SRGAP3: variants seen among roughly 807,000 people sequenced by gnomAD.
SRGAP3 encodes SLIT-ROBO Rho GTPase activating protein 3, also known as SLIT-ROBO Rho GTPase-activating protein 3.
A neutral mutation model predicts 121.1 loss-of-function variants in SRGAP3; 39 were observed. The ratio of observed to expected loss-of-function variants is 0.32; its 90% CI spans 0.25 to 0.42. The LOEUF is 0.42. Among genes scored for constraint, SRGAP3 ranks in the 10% least tolerant of loss-of-function variants. The probability of loss-of-function intolerance (pLI) is 1.00; values close to 1 mark genes in which losing one functional copy is unlikely to be tolerated. For missense variants in SRGAP3, 1,213 were observed against 1,470.6 expected (o/e 0.82, Z 2.86); for synonymous variants, 601 against 570.0 (o/e 1.05, Z -0.77).
chr3:9,099,158 A>C (rs1220433532), intron 3 of SRGAP3, among the ~76,000 whole-genome samples: 1 of 152,240 alleles, frequency 6.6e-6, no homozygotes, highest in Non-Finnish European at 1.5e-5. Flanking sequence ...ATTTATTTAT[A>C]AAATGCGATG....
chr3:9,165,493 C>T (rs1439850734), intron 1 of SRGAP3, among the ~76,000 whole-genome samples: 1 of 152,250 alleles, frequency 6.6e-6, no homozygotes, highest in Non-Finnish European at 1.5e-5. Flanking sequence ...TCTGATCTTT[C>T]TGTTTCTTCT....
intron 3 of SRGAP3, among the ~76,000 whole-genome samples, chr3:9,313,833 A>G (rs1384089032): frequency 6.6e-6 from 1 of 152,020 alleles, no homozygotes; most frequent in East Asian, 1.9e-4. Flanking sequence ...CATCTCTACT[A>G]AAATACAAAA....
At chr3:9,094,909 C>T (rs2124872235) in intron 3 of SRGAP3, among the ~76,000 whole-genome samples, 1 of 152,132 alleles carries the variant, frequency 6.6e-6, no homozygotes, top group African/African-American at 2.4e-5. Flanking sequence ...GCACACACCA[C>T]CACACCTGGC....
chr3:8,985,197 C>T lies in SRGAP3; in HGVS notation c.*322G>A, dbSNP rs1941610503. ...ACATATACGTATGTAGAGAGAATGT[C>T]GAGAGAGGAAGTTTCCAGTGACGAT... On this transcript the variant is annotated 3_prime_UTR_variant, in exon 22 of 22. Coordinates refer to ENST00000383836, the MANE Select transcript of SRGAP3 (RefSeq NM_014850.4). This position sits in a 1 kb window ranked among gnomAD's most constrained non-coding sequence, Gnocchi z 5.1. 5 of 457,516 alleles carry T rather than the reference C, an allele frequency of 1.1e-5. No individual in the cohort carries two copies. Among genetic ancestry groups the T allele is most frequent in the East Asian group, 3.9e-5 (1 of 25,528 alleles). 28.3% of individuals were successfully genotyped at this position (457,516 alleles called of 1,614,324 possible).
At chr3:9,221,884 T>C (rs1230023966) in intron 1 of SRGAP3, among the ~76,000 whole-genome samples, 1 of 152,238 alleles carries the variant, frequency 6.6e-6, no homozygotes, top group Non-Finnish European at 1.5e-5. Context: ...TACTACTATG[T>C]ATTGGTTTTA....
intron 1 of SRGAP3, among the ~76,000 whole-genome samples, chr3:9,142,140 G>A (rs1949875938): frequency 6.6e-6 from 1 of 152,196 alleles, no homozygotes; most frequent in Non-Finnish European, 1.5e-5. Context: ...CGTAAACTGG[G>A]ATTAATGGAA....
chr3:9,036,154 T>A (rs1049457394), intron 11 of SRGAP3: 2 of 152,220 alleles, frequency 1.3e-5, no homozygotes, highest in African/African-American at 4.8e-5. Flanking sequence ...GAGAAAAATA[T>A]AACATGCTGC....
At chr3:9,079,995 A>C (rs996642484) in intron 4 of SRGAP3, 30 bp downstream of exon 4, 1 of 1,613,442 alleles carries the variant, frequency 6.2e-7, no homozygotes, top group African/African-American at 1.3e-5. Flanking sequence ...ACCCAATCCC[A>C]AAACAGCAGT....
chr3:9,081,235 G>C (rs531704089), intron 3 of SRGAP3: 1 of 456,602 alleles, frequency 2.2e-6, no homozygotes, highest in East Asian at 7.0e-5. Flanking sequence ...TGGTCCCCTG[G>C]TCTGCCTAAT....
At chr3:9,295,486 A>G (rs1346901092) in intron 3 of SRGAP3, among the ~76,000 whole-genome samples, 1 of 152,210 alleles carries the variant, frequency 6.6e-6, no homozygotes, top group Non-Finnish European at 1.5e-5. Flanking sequence ...TGATTGGTGG[A>G]TTAACCACAC....
At chr3:9,286,113 A>ACACACAC (rs1954763215) in intron 3 of SRGAP3, among the ~76,000 whole-genome samples, 1 of 134,988 alleles carries the variant, frequency 7.4e-6, no homozygotes, top group Non-Finnish European at 1.6e-5. Context: ...CCCTATCTCA[A>ACACACAC]ACACACACAC....
At chr3:9,164,012 T>A (rs1190643199) in intron 1 of SRGAP3, among the ~76,000 whole-genome samples, 10 of 147,206 alleles carry the variant, frequency 6.8e-5, no homozygotes, top group African/African-American at 2.5e-4. Flanking sequence ...TTTTTTTTTT[T>A]TTGAGACAGA....
At chr3:9,311,647 T>C (rs1955249635) in intron 3 of SRGAP3, among the ~76,000 whole-genome samples, 1 of 152,232 alleles carries the variant, frequency 6.6e-6, no homozygotes, top group Non-Finnish European at 1.5e-5. Flanking sequence ...TTATTCTTCC[T>C]TCGACTTTTT....
At chr3:9,276,487 G>A (rs370634831) in intron 3 of SRGAP3, among the ~76,000 whole-genome samples, 20 of 150,492 alleles carry the variant, frequency 1.3e-4, no homozygotes, top group African/African-American at 3.9e-4. Context: ...GTGCAATGGC[G>A]CAATCTCGGC....
chr3:9,079,965 C>A, intron 4 of SRGAP3, 60 bp downstream of exon 4: 1 of 1,594,556 alleles, frequency 6.3e-7, no homozygotes, highest in Non-Finnish European at 8.6e-7. Context: ...TTCCCTCCAG[C>A]TCTGGTGATG....
chr3:9,084,246 C>T (rs1043834785), intron 3 of SRGAP3, among the ~76,000 whole-genome samples: 1 of 152,128 alleles, frequency 6.6e-6, no homozygotes, highest in Non-Finnish European at 1.5e-5. Flanking sequence ...ATGAATTTGC[C>T]CAGGAATTCA....
chr3:9,286,803 T>C (rs112810774), intron 3 of SRGAP3, among the ~76,000 whole-genome samples: 10,176 of 151,072 alleles, frequency 0.067, 1,170 homozygotes, highest in African/African-American at 0.23. Flanking sequence ...GGGGTCTCAC[T>C]GTGTTAGCCA....
chr3:9,228,814 G>A (rs1223577970), intron 1 of SRGAP3, among the ~76,000 whole-genome samples: 3 of 151,950 alleles, frequency 2.0e-5, no homozygotes, highest in African/African-American at 4.8e-5. Flanking sequence ...TGTAATCCCA[G>A]CACTTTGGGA....
chr3:9,359,088 A>C (rs1219354218), intron 1 of SRGAP3, among the ~76,000 whole-genome samples: 1 of 152,188 alleles, frequency 6.6e-6, no homozygotes, highest in African/African-American at 2.4e-5. Context: ...GGGGGATATA[A>C]ATTCTATTTA....
Sources: allele counts gnomAD v4.1 joint callset (sites outside exome capture counted in the v4.1 genomes callset), GRCh38; gene constraint gnomAD v4.1.1; non-coding constraint Gnocchi (gnomAD v3.1); transcripts MANE v1.5; gene names NCBI Gene and HGNC (gene_info 2026-07-23, HGNC 2026-07-21).